CCDC112: variants seen among roughly 807,000 people sequenced by gnomAD.
CCDC112 encodes the protein coiled-coil domain-containing protein 112.
In CCDC112, 40 loss-of-function variants were observed where a neutral mutation model predicts 66.3. That is an observed-to-expected ratio of 0.60 (90% CI 0.47 to 0.79). The LOEUF (loss-of-function observed/expected upper bound fraction) is 0.79, where lower values mean the gene tolerates loss of function less well. Ranked by LOEUF, CCDC112 falls within the 30% of genes least tolerant of loss-of-function variation. The pLI is 0.00. For synonymous variants in CCDC112, 214 were observed against 197.2 expected, an observed-to-expected ratio of 1.09 and a Z score of -0.71; for missense variants, 659 against 603.8, an observed-to-expected ratio of 1.09 and a Z score of -0.96.
Position 115,296,445 on chromosome 5 carries a change from C to A in CCDC112, c.99G>T (p.Ala33=). 2 of 1,565,846 alleles carry A rather than the reference C, an allele frequency of 1.3e-6. No individual in the cohort carries two copies. The highest frequency in any genetic ancestry group is 2.3e-5 in the South Asian group (2 of 87,630). Residue 33 remains alanine (A), a synonymous_variant, in exon 1 of 10, where the codon GCG becomes GCT. Coordinates refer to ENST00000379611, the MANE Select transcript of CCDC112 (RefSeq NM_001040440.3). The part of the protein sequence containing the change: ...AGAATGTGVG[A]TPAPQQSDGC... ...GATTTACCTGTTGAGGCGCTGGCGT[C>A]GCTCCCACGCCGGTCCCGGTGGCCG...
chr5:115,285,042 T>A, intron 1 of CCDC112, 134 bp from the exon 2 acceptor site: 1 of 676,122 alleles, frequency 1.5e-6, no homozygotes, highest in Non-Finnish European at 2.5e-6. Flanking sequence ...ACTTAACTCT[T>A]AAAAGTACAT....
chr5:115,278,809 A>G (rs1276007032), intron 3 of CCDC112, among the ~76,000 whole-genome samples: 2 of 152,204 alleles, frequency 1.3e-5, no homozygotes, highest in African/African-American at 4.8e-5. Context: ...AAAGAAAAAA[A>G]TCACTAAGAA....
chr5:115,276,998 G>T lies in CCDC112; in HGVS notation c.418C>A (p.His140Asn). ...KIHNNVKKLQ[H>N]QLKDVKPTPD... ...GTAGGCTTCACATCTTTTAATTGAT[G>T]CTGAAGTTTCTTTACATTATTATGT... is the stretch of plus-strand genomic sequence containing the variant. The change falls in exon 4 of 10, where the codon CAT becomes AAT. Residue 140 changes from histidine to asparagine, a missense_variant. His to Asn is a moderately conservative substitution (Grantham distance 68). Coordinates refer to ENST00000379611, the MANE Select transcript of CCDC112 (RefSeq NM_001040440.3). 2 of 1,609,614 alleles carry T rather than the reference G, an allele frequency of 1.2e-6. No individual in the cohort carries two copies. The highest frequency in any genetic ancestry group is 1.7e-6 in the Non-Finnish European group (2 of 1,177,116).
At chr5:115,271,744 T>C (rs1342035565) in intron 6 of CCDC112, 118 bp from the exon 7 acceptor site, 3 of 672,186 alleles carry the variant, frequency 4.5e-6, no homozygotes, top group Non-Finnish European at 4.5e-6. Flanking sequence ...GAATGCTGGA[T>C]GCTTAGGTTT....
chr5:115,285,718 T>G (rs764855311), intron 1 of CCDC112, among the ~76,000 whole-genome samples: 1 of 152,172 alleles, frequency 6.6e-6, no homozygotes, highest in Non-Finnish European at 1.5e-5. Flanking sequence ...ATGATACATT[T>G]AACTCTTTAA....
rs925575011 is a variant in CCDC112 at position 115,271,230 on chromosome 5, A to T, written c.1315T>A (p.Ser439Thr). ...EKRKNAADEI[S>T]RFQERDLHKL... ...TTACTCACTCTTTCTTGAAATCTGG[A>T]AATTTCATCAGCAGCATTTTTCCTT... The change falls in exon 7 of 10, where the codon TCC becomes ACC. Residue 439 changes from serine to threonine, a missense_variant. Transcript: ENST00000379611. 8.2e-6 allele frequency: 13 copies of T among 1,580,516 alleles called. No individual in the cohort carries two copies. The highest frequency in any genetic ancestry group is 1.1e-5 in the Non-Finnish European group (13 of 1,171,270).
rs1261012802 is a variant in CCDC112 at position 115,279,773 on chromosome 5, AG to A, written c.240-6del. The stretch of plus-strand genomic sequence containing the variant: ...TCTTTTTCCATGTTAATTACTCTTT[AG>A]GAAAAGAAACAAATAGTATAAATAT... On this transcript the variant is annotated splice_region_variant and splice_polypyrimidine_tract_variant and intron_variant, in intron 2 of 9. Coordinates refer to ENST00000379611, the MANE Select transcript of CCDC112 (RefSeq NM_001040440.3). 1 of 1,413,242 alleles carries A rather than the reference AG, an allele frequency of 7.1e-7. No homozygotes were observed. The highest frequency in any genetic ancestry group is 1.8e-5 in the Admixed American group (1 of 56,340). 87.5% of individuals were successfully genotyped at this position (1,413,242 alleles called of 1,614,324 possible). A position where few individuals can be genotyped will look rare whatever the true frequency, so the allele number is the denominator to read the frequency against.
intron 4 of CCDC112, among the ~76,000 whole-genome samples, chr5:115,276,532 T>C (rs750498911): frequency 8.5e-5 from 13 of 152,280 alleles, no homozygotes; most frequent in Non-Finnish European, 1.6e-4. Context: ...CCTTTCCTTA[T>C]GTATTAGAAA....
rs1750000609 is a variant in CCDC112 at position 115,293,021 on chromosome 5, A to T, written c.117+3406T>A. On this transcript the variant is annotated intron_variant, in intron 1 of 9. Transcript: ENST00000379611. ...GCAGTGGCTTAAACAACACACATTT[A>T]TTGACTTATAGTTCTGGAGGTCTAC... Among the ~76,000 whole-genome samples, 3 of 152,348 alleles carry T rather than the reference A, an allele frequency of 2.0e-5. No individual in the cohort carries two copies. In the South Asian group the frequency reaches 6.2e-4, roughly 32 times the overall value.
At position 115,271,613 on chromosome 5, in the gene CCDC112, C is replaced by A; in HGVS notation, c.932G>T (p.Trp311Leu). The change falls in exon 7 of 10, where the codon TGG (tryptophan) becomes TTG (leucine). Residue 311 changes from tryptophan (W) to leucine (L), a missense_variant. Physicochemically the swap from Trp to Leu is moderately conservative, Grantham distance 61. Coordinates refer to ENST00000379611, the MANE Select transcript of CCDC112 (RefSeq NM_001040440.3). ...EERKKESIQIWKTKKQQKREE... is the reference protein window; with the variant it reads ...EERKKESIQILKTKKQQKREE... ...CCTTTTTTGCTGCTTTTTAGTTTTC[C>A]AAATCTGAATTGACTAAATGATTTT... 6.6e-7 allele frequency: 1 copy of A among 1,522,334 alleles called. No homozygotes were observed. Among genetic ancestry groups the A allele is most frequent in the East Asian group, 2.4e-5 (1 of 41,762 alleles). The allele number at this position is 1,522,334 out of a possible 1,614,324, so 94.3% of individuals were successfully genotyped here.
At chr5:115,280,668 T>G (rs898993815) in intron 2 of CCDC112, among the ~76,000 whole-genome samples, 4 of 151,292 alleles carry the variant, frequency 2.6e-5, no homozygotes, top group Non-Finnish European at 5.9e-5. Flanking sequence ...TCCTCCAACC[T>G]CAGTCTCCTG....
Position 115,296,602 on chromosome 5 carries a change from G to T in CCDC112, c.-59C>A. Reference sequence around the variant, plus strand: ...CACCGGTGCCTGGGGATTCGTGGCAGGCGCACCCTGGCCTCTGCAGACAGC... The same window carrying T: ...CACCGGTGCCTGGGGATTCGTGGCATGCGCACCCTGGCCTCTGCAGACAGC... On this transcript the variant is annotated 5_prime_UTR_variant, in exon 1 of 10. In the 5' UTR this introduces an upstream ATG that the reference lacks. Transcript: ENST00000379611. The T allele has an allele frequency of 1.4e-6, 2 of 1,404,142 alleles. No individual in the cohort carries two copies. Among genetic ancestry groups the T allele is most frequent in the East Asian group, 2.9e-5 (1 of 33,908 alleles). 87.0% of individuals were successfully genotyped at this position (1,404,142 alleles called of 1,614,324 possible).
intron 7 of CCDC112, 64 bp downstream of exon 7, chr5:115,271,149 G>A: frequency 6.9e-7 from 1 of 1,458,338 alleles, no homozygotes; most frequent in Admixed American, 2.3e-5. Flanking sequence ...TTGCTTAACT[G>A]AATTTGGAAG....
At chr5:115,279,846 ATCCG>A in intron 2 of CCDC112, 78 bp from the exon 3 acceptor site, 1 of 787,092 alleles carries the variant, frequency 1.3e-6, no homozygotes, top group Non-Finnish European at 2.0e-6. Flanking sequence ...ACACTCAATA[ATCCG>A]TATTTTATAT....
intron 3 of CCDC112, chr5:115,277,330 T>A: frequency 4.3e-6 from 1 of 230,952 alleles, no homozygotes; most frequent in Non-Finnish European, 8.4e-6. Flanking sequence ...TAGATTGAGT[T>A]ATTGGACATT....
In CCDC112 at chr5:115,271,450, T is replaced by A; in HGVS notation, c.1095A>T (p.Lys365Asn). The change falls in exon 7 of 10, where the codon AAA becomes AAT. Residue 365 changes from lysine to asparagine, a missense_variant. Lys to Asn is a moderately conservative substitution (Grantham distance 94, BLOSUM62 0). Transcript: ENST00000379611. ...KLAVEAWKKQ[K>N]SIEMSMKCAS... ...CACATTTCATTGACATTTCTATACTTTTCTGTTTCTTCCAAGCTTCAACTG... is the reference window on the plus strand; with the variant it reads ...CACATTTCATTGACATTTCTATACTATTCTGTTTCTTCCAAGCTTCAACTG... 6.2e-7 allele frequency: 1 copy of A among 1,612,106 alleles called. No homozygotes were observed. Among genetic ancestry groups the A allele is most frequent in the Non-Finnish European group, 8.5e-7 (1 of 1,179,626 alleles).
chr5:115,296,604 C>T lies in CCDC112; in HGVS notation c.-61G>A. ...CCGGTGCCTGGGGATTCGTGGCAGG[C>T]GCACCCTGGCCTCTGCAGACAGCTC... On this transcript the variant is annotated 5_prime_UTR_variant, in exon 1 of 10. Transcript: ENST00000379611. 7.1e-7 allele frequency: 1 copy of T among 1,402,190 alleles called. No individual in the cohort carries two copies. The highest frequency in any genetic ancestry group is 9.2e-7 in the Non-Finnish European group (1 of 1,082,334). The allele number at this position is 1,402,190 out of a possible 1,614,324, so 86.9% of individuals were successfully genotyped here. A position where few individuals can be genotyped will look rare whatever the true frequency, so the allele number is the denominator to read the frequency against.
Position 115,269,801 on chromosome 5 carries a change from T to TA in CCDC112, c.1333-4dup, listed in dbSNP as rs200426840. The TA allele has an allele frequency of 0.11, 118,523 of 1,106,248 alleles. No homozygotes were observed. Among genetic ancestry groups the TA allele is most frequent in the South Asian group, 0.15 (7,891 of 54,256 alleles). The allele number at this position is 1,106,248 out of a possible 1,614,324, so 68.5% of individuals were successfully genotyped here. ...TTCAGTTCAAGTTTATGTAAATCCT[T>TA]AAAAAAAAAAACCCATAGCATTAAG... On this transcript the variant is annotated splice_polypyrimidine_tract_variant and splice_region_variant and intron_variant, in intron 7 of 9. Transcript: ENST00000379611.
At chr5:115,284,635 C>A in intron 2 of CCDC112, 152 bp downstream of exon 2, 2 of 502,004 alleles carry the variant, frequency 4.0e-6, no homozygotes, top group East Asian at 3.0e-5. Context: ...TTATTTCATA[C>A]CTCCCATCTT....
Sources: gnomAD v4.1 joint callset for allele counts (sites outside exome capture counted in the v4.1 genomes callset) on GRCh38, gnomAD v4.1.1 for gene constraint, MANE v1.5 for transcripts, NCBI Gene and HGNC (gene_info 2026-07-23, HGNC 2026-07-21) for gene names.